The following POLN variants were observed in gnomAD, a reference collection of about 807,000 sequenced individuals.
POLN encodes the protein DNA polymerase N.
Under a neutral mutation model 113.5 loss-of-function variants are expected in POLN, and 108 were observed. The observed-to-expected ratio is 0.95, with a 90% CI of 0.81 to 1.12. The LOEUF (loss-of-function observed/expected upper bound fraction) is 1.12. Among genes scored for constraint, POLN ranks in the 50% most tolerant of loss-of-function variants. The pLI, the probability that POLN is intolerant of heterozygous loss-of-function variation, is 0.00. For synonymous variants in POLN, 386 were observed against 391.5 expected (o/e 0.99, Z 0.17); for missense variants, 1,097 against 1,077.1 (o/e 1.02, Z -0.26).
chr4:2,235,891 G>A (rs1734746343), intron 2 of POLN, among the ~76,000 whole-genome samples: 1 of 152,114 alleles, frequency 6.6e-6, no homozygotes, highest in Non-Finnish European at 1.5e-5. Flanking sequence ...AGTGTACACA[G>A]AGGATTTTAA....
chr4:2,185,474 G>A (rs10022390), intron 7 of POLN, among the ~76,000 whole-genome samples: 37,607 of 152,214 alleles, frequency 0.25, 7,175 homozygotes, highest in African/African-American at 0.52. Context: ...GGCTGGGCGC[G>A]GTGGCCCATG....
chr4:2,241,661 C>A lies in POLN; in HGVS notation c.-154G>T. 1 of 985,486 alleles carries A rather than the reference C, an allele frequency of 1.0e-6. No homozygotes were observed. The highest frequency in any genetic ancestry group is 1.2e-6 in the Non-Finnish European group (1 of 829,932). 61.0% of individuals were successfully genotyped at this position (985,486 alleles called of 1,614,324 possible). ...AGCCAGCGCTGAGGCAGCCCCGACG[C>A]CAGGGCCGCGCGAACCCCAGAGGCA... On this transcript the variant is annotated 5_prime_UTR_variant, in exon 2 of 26. Coordinates refer to ENST00000511885, the MANE Select transcript of POLN (RefSeq NM_181808.4).
intron 13 of POLN, among the ~76,000 whole-genome samples, chr4:2,161,385 C>T (rs1232440715): frequency 2.0e-5 from 3 of 151,848 alleles, no homozygotes; most frequent in African/African-American, 7.3e-5. Flanking sequence ...GCCCTGCTAG[C>T]CCGGGCAATG....
intron 19 of POLN, among the ~76,000 whole-genome samples, chr4:2,116,113 T>TA (rs1239988379): frequency 6.6e-6 from 1 of 152,320 alleles, no homozygotes; most frequent in East Asian, 1.9e-4. Context: ...AGGTCTGAAA[T>TA]ACCTTAGTTG....
chr4:2,073,102 C>T, intron 24 of POLN, 73 bp from the exon 25 acceptor site: 2 of 1,482,670 alleles, frequency 1.3e-6, no homozygotes, highest in East Asian at 2.3e-5. Flanking sequence ...GATAAGAGAA[C>T]TTTCAGGCCC....
chr4:2,105,834 ATGATGATGATGATGG>A (rs1731052659), intron 19 of POLN, among the ~76,000 whole-genome samples: 1 of 149,930 alleles, frequency 6.7e-6, no homozygotes, highest in African/African-American at 2.5e-5. Context: ...GATGATGATG[ATGATGATGATGATGG>A]TGATGATAAA....
chr4:2,091,002 G>A (rs1206866012), intron 20 of POLN, among the ~76,000 whole-genome samples: 1 of 152,188 alleles, frequency 6.6e-6, no homozygotes, highest in Non-Finnish European at 1.5e-5. Context: ...TTCTAGCAGA[G>A]TTTCTGTCCC....
At chr4:2,240,110 T>G (rs1334739955) in intron 2 of POLN, 1 of 1,614,100 alleles carries the variant, frequency 6.2e-7, no homozygotes, top group Admixed American at 1.7e-5. Flanking sequence ...TACTTGCTTT[T>G]AAGTGAATTA....
At chr4:2,173,321 A>G (rs958818131) in intron 11 of POLN, among the ~76,000 whole-genome samples, 1 of 152,212 alleles carries the variant, frequency 6.6e-6, no homozygotes, top group African/African-American at 2.4e-5. Flanking sequence ...TGTATGAGGT[A>G]CATGAGAAAA....
intron 7 of POLN, among the ~76,000 whole-genome samples, chr4:2,192,093 C>T (rs1380261427): frequency 6.3e-5 from 8 of 126,180 alleles, no homozygotes; most frequent in Middle Eastern, 5.4e-3. Flanking sequence ...CTAGCCTGGG[C>T]GACAGAGCGA....
At chr4:2,203,747 A>G (rs575654049) in intron 5 of POLN, among the ~76,000 whole-genome samples, 1 of 152,230 alleles carries the variant, frequency 6.6e-6, no homozygotes, top group African/African-American at 2.4e-5. Context: ...ACCCAGCAGA[A>G]GAAAGGAAAT....
chr4:2,233,518 C>T (rs933857393), intron 2 of POLN, among the ~76,000 whole-genome samples: 3 of 151,962 alleles, frequency 2.0e-5, no homozygotes, highest in Non-Finnish European at 2.9e-5. Flanking sequence ...TGGCCAGGTA[C>T]TCTTAAGAAA....
intron 3 of POLN, among the ~76,000 whole-genome samples, chr4:2,215,070 A>G (rs1036191398): frequency 2.0e-5 from 3 of 152,208 alleles, no homozygotes; most frequent in Admixed American, 6.5e-5. Context: ...TATATGCAAC[A>G]GTAAACAGGT....
At chr4:2,205,394 C>T (rs183085243) in intron 5 of POLN, among the ~76,000 whole-genome samples, 50 of 152,238 alleles carry the variant, frequency 3.3e-4, no homozygotes, top group African/African-American at 1.2e-3. Flanking sequence ...AGGTGAAAGA[C>T]CTCTGCATGG....
chr4:2,222,670 C>T (rs548578829), intron 3 of POLN, among the ~76,000 whole-genome samples: 1 of 151,552 alleles, frequency 6.6e-6, no homozygotes, highest in East Asian at 1.9e-4. Context: ...TCACGTTTAG[C>T]CTTTAATTGC....
chr4:2,168,066 A>C (rs997102157), intron 13 of POLN, among the ~76,000 whole-genome samples: 8 of 152,164 alleles, frequency 5.3e-5, no homozygotes, highest in Non-Finnish European at 1.2e-4. Flanking sequence ...TACGTCTCAA[A>C]ACTTGAAGGG....
intron 16 of POLN, among the ~76,000 whole-genome samples, chr4:2,154,565 T>C (rs1164641207): frequency 6.6e-6 from 1 of 152,214 alleles, no homozygotes; most frequent in Non-Finnish European, 1.5e-5. Context: ...GGGAATGTTA[T>C]TTTTGGCGAG....
intron 14 of POLN, among the ~76,000 whole-genome samples, 182 bp downstream of exon 14, chr4:2,158,973 C>T (rs538065726): frequency 3.9e-5 from 6 of 152,206 alleles, no homozygotes; most frequent in African/African-American, 1.4e-4. Context: ...TTGCAGACTT[C>T]GGTAAAATCA....
At chr4:2,095,716 G>A in intron 20 of POLN, 135 bp downstream of exon 20, 1 of 773,596 alleles carries the variant, frequency 1.3e-6, no homozygotes, top group Non-Finnish European at 2.2e-6. Context: ...TCTGGTGACT[G>A]CAGGTGTCAT....
Sources: gnomAD v4.1 joint callset for allele counts (sites outside exome capture counted in the v4.1 genomes callset) on GRCh38, gnomAD v4.1.1 for gene constraint, MANE v1.5 for transcripts, NCBI Gene and HGNC (gene_info 2026-07-23, HGNC 2026-07-21) for gene names.